Variants in LATS2 observed in about 807,000 individuals in gnomAD.
LATS2 encodes large tumor suppressor kinase 2.
A neutral mutation model predicts 76.0 loss-of-function variants in LATS2; 24 were observed. The observed-to-expected ratio is 0.32, with a 90% CI of 0.23 to 0.44. LATS2 has a LOEUF of 0.44. Ranked by LOEUF, LATS2 falls within the 20% of genes least tolerant of loss-of-function variation. The pLI is 1.00. For missense variants in LATS2, 1,286 were observed against 1,481.2 expected (o/e 0.87, Z 2.16); for synonymous variants, 692 against 635.4 (o/e 1.09, Z -1.34).
chr13:21,048,425 A>C (rs1270792907), intron 1 of LATS2, among the ~76,000 whole-genome samples: 1 of 152,228 alleles, frequency 6.6e-6, no homozygotes, highest in Non-Finnish European at 1.5e-5. Flanking sequence ...CAATCAATGC[A>C]AGGGAGGGCC....
At chr13:20,977,244 A>G (rs1869662441) in intron 7 of LATS2, among the ~76,000 whole-genome samples, 1 of 151,990 alleles carries the variant, frequency 6.6e-6, no homozygotes. Context: ...AAAAATACAA[A>G]AATTAGCTGG....
At chr13:21,016,483 T>C (rs1386539847) in intron 2 of LATS2, among the ~76,000 whole-genome samples, 1 of 152,090 alleles carries the variant, frequency 6.6e-6, no homozygotes, top group African/African-American at 2.4e-5. Context: ...TTTCACTATG[T>C]TGGCCAAGCT....
intron 2 of LATS2, among the ~76,000 whole-genome samples, chr13:21,032,344 C>A (rs2138381374): frequency 6.6e-6 from 1 of 152,294 alleles, no homozygotes; most frequent in East Asian, 1.9e-4. Context: ...TGGCTCACTG[C>A]AACCTCTGCC....
At chr13:21,013,699 C>T (rs536233801) in intron 2 of LATS2, among the ~76,000 whole-genome samples, 1 of 152,286 alleles carries the variant, frequency 6.6e-6, no homozygotes, top group East Asian at 1.9e-4. Context: ...GGTGCAGCGG[C>T]TCGAGCCTGC....
intron 1 of LATS2, among the ~76,000 whole-genome samples, chr13:21,057,563 G>A (rs1873485947): frequency 6.6e-6 from 1 of 152,170 alleles, no homozygotes; most frequent in Non-Finnish European, 1.5e-5. Flanking sequence ...ATGCCTGTAG[G>A]CGGGTGGATC....
chr13:20,989,330 G>A (rs748749814), intron 3 of LATS2, 26 bp from the exon 4 acceptor site: 2 of 1,612,080 alleles, frequency 1.2e-6, no homozygotes, highest in Non-Finnish European at 1.7e-6. Context: ...CAGGAAGACA[G>A]CATCAGAGTG....
chr13:20,999,944 G>A (rs1405176129), intron 2 of LATS2, among the ~76,000 whole-genome samples: 1 of 150,502 alleles, frequency 6.6e-6, no homozygotes, highest in Non-Finnish European at 1.5e-5. Flanking sequence ...GCAGAAGAAT[G>A]ACTTGAACCT....
intron 2 of LATS2, among the ~76,000 whole-genome samples, chr13:21,020,839 G>A (rs577675048): frequency 6.6e-6 from 1 of 152,312 alleles, no homozygotes; most frequent in East Asian, 1.9e-4. Flanking sequence ...CTGTCATGTG[G>A]CACAGATGAG....
intron 2 of LATS2, among the ~76,000 whole-genome samples, chr13:21,024,558 G>A (rs1434822379): frequency 2.0e-5 from 3 of 151,828 alleles, no homozygotes; most frequent in Non-Finnish European, 4.4e-5. Context: ...ATGGCCCTGC[G>A]GGAGCTCTTC....
At chr13:20,985,294 G>A (rs1235398057) in intron 4 of LATS2, among the ~76,000 whole-genome samples, 1 of 152,206 alleles carries the variant, frequency 6.6e-6, no homozygotes, top group Admixed American at 6.5e-5. Context: ...AAAAGCTTCT[G>A]CAGAGCAAAG....
chr13:20,978,060 C>T (rs554654666), intron 7 of LATS2, among the ~76,000 whole-genome samples: 5 of 152,114 alleles, frequency 3.3e-5, no homozygotes, highest in South Asian at 2.1e-4. Flanking sequence ...AGACTACAGG[C>T]GCCCGCCCCC....
chr13:20,977,606 T>C (rs1869680484), intron 7 of LATS2, among the ~76,000 whole-genome samples: 1 of 147,020 alleles, frequency 6.8e-6, no homozygotes, highest in African/African-American at 2.5e-5. Flanking sequence ...TGGTAAATAA[T>C]TAAAATAATT....
intron 4 of LATS2, among the ~76,000 whole-genome samples, chr13:20,987,087 C>T (rs746313454): frequency 3.3e-5 from 5 of 152,104 alleles, no homozygotes; most frequent in Admixed American, 6.5e-5. Context: ...CCCAACTACT[C>T]GGGAAGCTGA....
At chr13:21,025,899 C>A (rs1273547756) in intron 2 of LATS2, among the ~76,000 whole-genome samples, 1 of 152,164 alleles carries the variant, frequency 6.6e-6, no homozygotes, top group African/African-American at 2.4e-5. Flanking sequence ...GACTCTCTGA[C>A]TAGGACTAGA....
chr13:21,058,886 C>G (rs1319024640), intron 1 of LATS2, among the ~76,000 whole-genome samples: 1 of 151,636 alleles, frequency 6.6e-6, no homozygotes, highest in Non-Finnish European at 1.5e-5. Flanking sequence ...ACAGTTTATA[C>G]GTTCTCATTT....
At chr13:20,992,683 A>C (rs1870557283) in intron 2 of LATS2, among the ~76,000 whole-genome samples, 1 of 152,188 alleles carries the variant, frequency 6.6e-6, no homozygotes, top group Non-Finnish European at 1.5e-5. Context: ...GAGGAAACTG[A>C]AAATGTAGAA....
At position 21,020,114 on chromosome 13, in the gene LATS2, T is replaced by C. The variant is rs77188123; in HGVS notation, c.342+25571A>G. 6.5e-4 allele frequency among the ~76,000 whole-genome samples: 99 copies of C among 151,926 alleles called. 1 individual carries two copies. The highest frequency in any genetic ancestry group is 2.2e-3 in the African/African-American group (93 of 41,512). On this transcript the variant is annotated intron_variant, in intron 2 of 7. Transcript: ENST00000382592. ...GAGAGTGGATGTACATCCTTTCCTT[T>C]CTAGACAGCTCCTAAAGTCAGTCAG...
chr13:21,053,233 C>CAAAAAAA (rs1194900665), intron 1 of LATS2, among the ~76,000 whole-genome samples: 1 of 38,386 alleles, frequency 2.6e-5, no homozygotes, highest in African/African-American at 1.1e-4. Context: ...GACTCTGTCT[C>CAAAAAAA]AAAAAAAAAA....
At chr13:21,020,861 C>T (rs545080266) in intron 2 of LATS2, among the ~76,000 whole-genome samples, 17 of 152,322 alleles carry the variant, frequency 1.1e-4, no homozygotes, top group African/African-American at 3.1e-4. Context: ...ACACCTACTA[C>T]GTCACAATGC....
Sources: allele counts gnomAD v4.1 joint callset (sites outside exome capture counted in the v4.1 genomes callset), GRCh38; gene constraint gnomAD v4.1.1; transcripts MANE v1.5; gene names NCBI Gene and HGNC (gene_info 2026-07-23, HGNC 2026-07-21).